Variants in STYXL1 observed in about 807,000 individuals in gnomAD.
STYXL1 encodes the protein serine/threonine/tyrosine interacting like 1.
A neutral mutation model predicts 36.4 loss-of-function variants in STYXL1; 32 were observed. That is an observed-to-expected ratio of 0.88 (90% CI 0.66 to 1.18). The LOEUF (loss-of-function observed/expected upper bound fraction) is 1.18, where lower values mean the gene tolerates loss of function less well. Ranked by LOEUF, STYXL1 falls within the 50% of genes most tolerant of loss-of-function variation. The pLI is 0.00. For missense variants in STYXL1, 354 were observed against 394.1 expected (o/e 0.90, Z 0.86); for synonymous variants, 133 against 144.1 (o/e 0.92, Z 0.55).
intron 4 of STYXL1, among the ~76,000 whole-genome samples, chr7:76,018,510 C>G (rs1303513441): frequency 6.6e-6 from 1 of 152,116 alleles, no homozygotes; most frequent in Non-Finnish European, 1.5e-5. Flanking sequence ...CCTACCTCAG[C>G]CTCCCTAGTA....
intron 5 of STYXL1, among the ~76,000 whole-genome samples, chr7:76,010,866 C>A (rs1258439845): frequency 1.3e-5 from 2 of 152,176 alleles, no homozygotes; most frequent in African/African-American, 4.8e-5. Context: ...GAACATTAAA[C>A]CGCCCTAGCT....
intron 6 of STYXL1, 23 bp downstream of exon 6, chr7:76,005,236 A>T: frequency 7.6e-7 from 1 of 1,320,866 alleles, no homozygotes; most frequent in Non-Finnish European, 9.9e-7. Context: ...TGAAATATAA[A>T]TCAGTAGTTT....
At chr7:76,005,833 AGAGGAGGAGG>A (rs1554570005) in intron 5 of STYXL1, among the ~76,000 whole-genome samples, 1 of 96,442 alleles carries the variant, frequency 1.0e-5, no homozygotes, top group African/African-American at 4.0e-5. Context: ...GGAGGAAGAG[AGAGGAGGAGG>A]AAGAGAGAGG....
chr7:76,030,738 G>A (rs932375525), intron 1 of STYXL1, among the ~76,000 whole-genome samples: 2 of 151,724 alleles, frequency 1.3e-5, no homozygotes, highest in East Asian at 1.9e-4. Flanking sequence ...CTAGCCAGGC[G>A]TGGTGGCTCA....
intron 5 of STYXL1, among the ~76,000 whole-genome samples, chr7:76,006,767 A>C (rs1484497196): frequency 6.7e-6 from 1 of 150,300 alleles, no homozygotes; most frequent in Non-Finnish European, 1.5e-5. Context: ...CCGTCTCAAA[A>C]AAAAAAAAAA....
At chr7:76,025,760 GCAGA>G (rs1224755641) in intron 3 of STYXL1, among the ~76,000 whole-genome samples, 3 of 151,214 alleles carry the variant, frequency 2.0e-5, no homozygotes, top group South Asian at 2.1e-4. Context: ...ACTGCACCGG[GCAGA>G]CAGACAGAGC....
chr7:75,996,952 T>G (rs1790201942), intron 8 of STYXL1, among the ~76,000 whole-genome samples: 1 of 152,140 alleles, frequency 6.6e-6, no homozygotes, highest in African/African-American at 2.4e-5. Context: ...ACTGGACAAA[T>G]TAATGGAAAG....
Position 76,047,976 on chromosome 7 carries a change from G to A in STYXL1, c.-319C>T, listed in dbSNP as rs114512433. 1.4e-3 allele frequency: 2,124 copies of A among 1,480,928 alleles called. 28 individuals carry two copies. In the African/African-American group the frequency reaches 0.025, roughly 17 times the overall value. The allele number at this position is 1,480,928 out of a possible 1,614,324, so 91.7% of individuals were successfully genotyped here. Reference sequence around the variant, plus strand: ...CCGGGGTTGCCAGGATGGTCCCACAGCTTTCCTTTCCGACTCCCGGAAGTG... The same window carrying A: ...CCGGGGTTGCCAGGATGGTCCCACAACTTTCCTTTCCGACTCCCGGAAGTG... On this transcript the variant is annotated 5_prime_UTR_variant, in exon 1 of 9. Coordinates refer to ENST00000359697, the MANE Select transcript of STYXL1 (RefSeq NM_001317785.2).
intron 5 of STYXL1, among the ~76,000 whole-genome samples, chr7:76,009,978 T>C (rs986395305): frequency 1.3e-5 from 2 of 152,234 alleles, no homozygotes; most frequent in Admixed American, 6.5e-5. Flanking sequence ...TTCAGGAATA[T>C]GCAACTGTCA....
chr7:76,027,801 A>G (rs1794887915), intron 3 of STYXL1, among the ~76,000 whole-genome samples: 2 of 152,100 alleles, frequency 1.3e-5, no homozygotes, highest in Non-Finnish European at 1.5e-5. Flanking sequence ...CTGGCATATC[A>G]AGGAATTAAA....
At chr7:76,021,648 CTTGGGGAAATGTATTTG>C (rs1794088446) in intron 4 of STYXL1, among the ~76,000 whole-genome samples, 186 bp downstream of exon 4, 1 of 152,118 alleles carries the variant, frequency 6.6e-6, no homozygotes, top group South Asian at 2.1e-4. Context: ...TTCCAAACTC[CTTGGGGAAATGTATTTG>C]AGGGCCTCCT....
At position 76,028,637 on chromosome 7, in the gene STYXL1, T is replaced by C. The variant is rs374295488; in HGVS notation, c.165+5A>G. 3.9e-5 allele frequency: 63 copies of C among 1,613,902 alleles called. No homozygotes were observed. The highest frequency in any genetic ancestry group is 3.6e-4 in the African/African-American group (27 of 75,060). Reference sequence around the variant, plus strand: ...CTGCCCCAGATCCTGACGCTGCCCATGTACCTTCTTCACTCGAAGGGCAGT... The same window carrying C: ...CTGCCCCAGATCCTGACGCTGCCCACGTACCTTCTTCACTCGAAGGGCAGT... On this transcript the variant is annotated splice_donor_5th_base_variant and intron_variant, in intron 3 of 8. Coordinates refer to ENST00000359697, the MANE Select transcript of STYXL1 (RefSeq NM_001317785.2).
chr7:76,006,666 A>G lies in STYXL1; in HGVS notation c.454-1262T>C, dbSNP rs1250953616. On this transcript the variant is annotated intron_variant, in intron 5 of 8. Transcript: ENST00000359697. ...GTAATCCCAGCTACTTGGGAGGCTGAGGCAGGAGAATGGCATGAACCTGGG... is the reference window on the plus strand; with the variant it reads ...GTAATCCCAGCTACTTGGGAGGCTGGGGCAGGAGAATGGCATGAACCTGGG... 2.6e-5 allele frequency among the ~76,000 whole-genome samples: 4 copies of G among 151,510 alleles called. No homozygotes were observed. The East Asian group carries it at 7.9e-4, about 30-fold the overall frequency.
At chr7:76,027,037 T>C (rs1368373933) in intron 3 of STYXL1, among the ~76,000 whole-genome samples, 5 of 151,238 alleles carry the variant, frequency 3.3e-5, no homozygotes, top group African/African-American at 1.2e-4. Context: ...CACTCCAGCC[T>C]GGGTGACAGG....
At chr7:76,021,567 C>T (rs1191790533) in intron 4 of STYXL1, among the ~76,000 whole-genome samples, 4 of 152,120 alleles carry the variant, frequency 2.6e-5, no homozygotes, top group Non-Finnish European at 4.4e-5. Flanking sequence ...TATTTCATCC[C>T]CCTTTCCTCA....
rs1427913451 is a variant in STYXL1 at position 76,033,641 on chromosome 7, CAA to C, written c.-4-3116_-4-3115del. On this transcript the variant is annotated intron_variant, in intron 1 of 8. Coordinates refer to ENST00000359697, the MANE Select transcript of STYXL1 (RefSeq NM_001317785.2). ...AAACCTCAGATCCTTCTCACCTCCTCAAAGACTTCAGTTCTCAGCACCCCCTC... is the reference window on the plus strand; with the variant it reads ...AAACCTCAGATCCTTCTCACCTCCTCAGACTTCAGTTCTCAGCACCCCCTC... 2.6e-5 allele frequency among the ~76,000 whole-genome samples: 4 copies of C among 152,282 alleles called. No homozygotes were observed. The East Asian group carries it at 7.7e-4, about 29-fold the overall frequency.
At chr7:76,047,256 C>G (rs1173833487) in intron 1 of STYXL1, among the ~76,000 whole-genome samples, 1 of 151,968 alleles carries the variant, frequency 6.6e-6, no homozygotes, top group Non-Finnish European at 1.5e-5. Context: ...GACTCCGTCT[C>G]AAAAAAATAA....
intron 1 of STYXL1, among the ~76,000 whole-genome samples, chr7:76,032,020 G>A (rs1795391302): frequency 6.6e-6 from 1 of 152,102 alleles, no homozygotes; most frequent in Non-Finnish European, 1.5e-5. Flanking sequence ...TGCAATCTCA[G>A]CACTTGGGGA....
chr7:76,042,390 C>CTTTTTCTTTTTTTTT (rs1796554576), intron 1 of STYXL1, among the ~76,000 whole-genome samples: 2 of 41,816 alleles, frequency 4.8e-5, no homozygotes, highest in Non-Finnish European at 1.1e-4. Flanking sequence ...CCCTTATGTG[C>CTTTTTCTTTTTTTTT]TTTTTTTTTT....
Sources: allele counts gnomAD v4.1 joint callset (sites outside exome capture counted in the v4.1 genomes callset), GRCh38; gene constraint gnomAD v4.1.1; transcripts MANE v1.5; gene names NCBI Gene and HGNC (gene_info 2026-07-23, HGNC 2026-07-21).